Variants in PPP2R5E observed in about 807,000 individuals in gnomAD.
The protein encoded by PPP2R5E is serine/threonine-protein phosphatase 2A 56 kDa regulatory subunit epsilon isoform.
In PPP2R5E, 4 loss-of-function variants were observed where a neutral mutation model predicts 65.3. That is an observed-to-expected ratio of 0.06 (90% CI 0.03 to 0.14). The LOEUF (loss-of-function observed/expected upper bound fraction) is 0.14, where lower values mean the gene tolerates loss of function less well. PPP2R5E is among the 10% of genes least tolerant of loss of function. The pLI, the probability that PPP2R5E is intolerant of heterozygous loss-of-function variation, is 1.00. For missense variants in PPP2R5E, 274 were observed against 556.1 expected (o/e 0.49, Z 5.10); for synonymous variants, 183 against 187.4 (o/e 0.98, Z 0.19).
At chr14:63,521,903 C>T (rs1227111602) in intron 2 of PPP2R5E, among the ~76,000 whole-genome samples, 1 of 151,902 alleles carries the variant, frequency 6.6e-6, no homozygotes, top group Non-Finnish European at 1.5e-5. Flanking sequence ...GTTGTGCAAC[C>T]AGAGGCTGAA....
intron 11 of PPP2R5E, 134 bp downstream of exon 11, chr14:63,389,477 TA>T: frequency 9.5e-7 from 1 of 1,055,944 alleles, no homozygotes; most frequent in Non-Finnish European, 1.3e-6. Flanking sequence ...AGCTGGCCAC[TA>T]TTAAAATTAT....
intron 2 of PPP2R5E, among the ~76,000 whole-genome samples, chr14:63,498,739 T>C (rs1423304440): frequency 6.6e-6 from 1 of 152,050 alleles, no homozygotes; most frequent in Non-Finnish European, 1.5e-5. Context: ...AATTCTTCAT[T>C]AGTCACAAAT....
intron 2 of PPP2R5E, among the ~76,000 whole-genome samples, chr14:63,531,081 T>C (rs1274096606): frequency 6.6e-6 from 1 of 152,168 alleles, no homozygotes; most frequent in Non-Finnish European, 1.5e-5. Context: ...TACAGGAGAA[T>C]TTCCTGAACT....
chr14:63,454,847 G>C (rs1055175168), intron 2 of PPP2R5E, among the ~76,000 whole-genome samples: 3 of 152,166 alleles, frequency 2.0e-5, no homozygotes, highest in South Asian at 2.1e-4. Context: ...CATCCAAGGT[G>C]ATTAGCTCAT....
chr14:63,435,604 C>T (rs80295927), intron 3 of PPP2R5E, among the ~76,000 whole-genome samples: 3,376 of 152,226 alleles, frequency 0.022, 101 homozygotes, highest in African/African-American at 0.06. Context: ...ACTCCCTGCT[C>T]GCCATCTACA....
At position 63,514,468 on chromosome 14, in the gene PPP2R5E, A is replaced by AGT. The variant is rs397806071; in HGVS notation, c.157+25060_157+25061insAC. Among the ~76,000 whole-genome samples the AGT allele has an allele frequency of 4.0e-5, 6 of 150,990 alleles. No individual in the cohort carries two copies. In the East Asian group the frequency reaches 7.8e-4, roughly 20 times the overall value. ...AATCTCTACCTTTAAAACTATGTTTATTATACTACATTACACAAAAACTCT... is the reference window on the plus strand; with the variant it reads ...AATCTCTACCTTTAAAACTATGTTTAGTTTATACTACATTACACAAAAACTCT... On this transcript the variant is annotated intron_variant, in intron 2 of 13. Transcript: ENST00000337537.
At chr14:63,452,857 T>C (rs1888920167) in intron 3 of PPP2R5E, 1 of 151,952 alleles carries the variant, frequency 6.6e-6, no homozygotes. Context: ...ACACAGAGAG[T>C]GTGCCAGATC....
chr14:63,469,502 C>T (rs1465233438), intron 2 of PPP2R5E, among the ~76,000 whole-genome samples: 1 of 152,132 alleles, frequency 6.6e-6, no homozygotes, highest in Non-Finnish European at 1.5e-5. Context: ...ACCATCCTGG[C>T]TAACACGGTG....
At chr14:63,379,979 C>T (rs532782279) in intron 13 of PPP2R5E, among the ~76,000 whole-genome samples, 2 of 151,596 alleles carry the variant, frequency 1.3e-5, no homozygotes, top group Non-Finnish European at 2.9e-5. Flanking sequence ...GGACCACAAG[C>T]GCATGCCACC....
At chr14:63,415,950 T>A (rs1243753901) in intron 4 of PPP2R5E, among the ~76,000 whole-genome samples, 2 of 152,234 alleles carry the variant, frequency 1.3e-5, no homozygotes, top group Non-Finnish European at 2.9e-5. Flanking sequence ...GAATTTTTGA[T>A]ACTCACTGAC....
At chr14:63,376,975 A>C (rs149463974) in intron 13 of PPP2R5E, among the ~76,000 whole-genome samples, 1,659 of 152,186 alleles carry the variant, frequency 0.011, 29 homozygotes, top group African/African-American at 0.037. Context: ...TCTACTAAAA[A>C]TACAAAAATT....
At chr14:63,430,736 T>C (rs1391863463) in intron 3 of PPP2R5E, among the ~76,000 whole-genome samples, 1 of 152,164 alleles carries the variant, frequency 6.6e-6, no homozygotes, top group Non-Finnish European at 1.5e-5. Context: ...AGGAAACAAA[T>C]GGCAAAATCT....
At chr14:63,389,901 AT>A (rs746251609) in intron 10 of PPP2R5E, among the ~76,000 whole-genome samples, 170 bp from the exon 11 acceptor site, 1 of 152,312 alleles carries the variant, frequency 6.6e-6, no homozygotes. Context: ...TCCACAAAGA[AT>A]TCACCATAGG....
At chr14:63,454,197 C>T (rs1166316628) in intron 2 of PPP2R5E, among the ~76,000 whole-genome samples, 1 of 152,162 alleles carries the variant, frequency 6.6e-6, no homozygotes, top group Non-Finnish European at 1.5e-5. Flanking sequence ...ATGTCAATAC[C>T]TTTAAATTAA....
chr14:63,516,322 G>A (rs1892670522), intron 2 of PPP2R5E, among the ~76,000 whole-genome samples: 2 of 151,860 alleles, frequency 1.3e-5, no homozygotes, highest in Non-Finnish European at 2.9e-5. Flanking sequence ...CCATGAGGAA[G>A]AAAAAGAAAA....
chr14:63,489,090 T>G (rs1005142925), intron 2 of PPP2R5E, among the ~76,000 whole-genome samples: 3 of 151,992 alleles, frequency 2.0e-5, no homozygotes, highest in African/African-American at 7.2e-5. Context: ...AGAATCCAGG[T>G]CTTCGAACCT....
Position 63,374,957 on chromosome 14 carries a change from C to T in PPP2R5E, c.*1052G>A, listed in dbSNP as rs1883905901. 1.3e-5 allele frequency: 2 copies of T among 152,492 alleles called. No individual in the cohort carries two copies. Among genetic ancestry groups the T allele is most frequent in the South Asian group, 4.1e-4 (2 of 4,824 alleles). 9.4% of individuals were successfully genotyped at this position (152,492 alleles called of 1,614,324 possible). A position where few individuals can be genotyped will look rare whatever the true frequency, so the allele number is the denominator to read the frequency against. On this transcript the variant is annotated 3_prime_UTR_variant, in exon 14 of 14. Transcript: ENST00000337537. ...ATAGAACGAGAATCTACAAAAAACA[C>T]TGTAACATGTTTGTTTTTTCCCAGA...
chr14:63,534,543 A>G (rs547538240), intron 2 of PPP2R5E, among the ~76,000 whole-genome samples: 1 of 152,282 alleles, frequency 6.6e-6, no homozygotes, highest in East Asian at 1.9e-4. Context: ...TTACTTTCTT[A>G]TCAAGTAAGT....
chr14:63,522,822 C>T (rs1262754424), intron 2 of PPP2R5E, among the ~76,000 whole-genome samples: 12 of 149,100 alleles, frequency 8.0e-5, no homozygotes, highest in African/African-American at 2.8e-4. Flanking sequence ...TGGGGGTCAC[C>T]CACCGCCAGG....
Sources: allele counts gnomAD v4.1 joint callset (sites outside exome capture counted in the v4.1 genomes callset), GRCh38; gene constraint gnomAD v4.1.1; transcripts MANE v1.5; gene names NCBI Gene and HGNC (gene_info 2026-07-23, HGNC 2026-07-21).